The following PFKP variants were observed in gnomAD, a reference collection of about 807,000 sequenced individuals.
PFKP encodes the protein ATP-dependent 6-phosphofructokinase, platelet type.
PFKP carries 101 observed loss-of-function variants against 94.3 expected under a neutral mutation model. That is an observed-to-expected ratio of 1.07 (90% CI 0.91 to 1.26). The LOEUF is 1.26. Among genes scored for constraint, PFKP ranks in the 50% most tolerant of loss-of-function variants. The pLI, the probability that PFKP is intolerant of heterozygous loss-of-function variation, is 0.00. For missense variants in PFKP, 1,145 were observed against 1,103.3 expected (o/e 1.04, Z -0.53); for synonymous variants, 573 against 432.6 (o/e 1.32, Z -4.03).
intron 19 of PFKP, among the ~76,000 whole-genome samples, chr10:3,134,046 GCA>G (rs1838916549): frequency 1.3e-5 from 2 of 152,186 alleles, no homozygotes; most frequent in African/African-American, 4.8e-5. Flanking sequence ...CTCCTAACTT[GCA>G]CACACTCCTT....
At chr10:3,131,483 G>C (rs1838581367) in intron 17 of PFKP, among the ~76,000 whole-genome samples, 1 of 152,142 alleles carries the variant, frequency 6.6e-6, no homozygotes, top group African/African-American at 2.4e-5. Flanking sequence ...TTGAGATGGA[G>C]TCTCGCTCTG....
rs138800513 is a variant in PFKP at position 3,135,985 on chromosome 10, G to A, written c.2225+147G>A. 3.9e-4 allele frequency: 237 copies of A among 610,960 alleles called. 1 individual carries two copies. In the East Asian group the frequency reaches 6.6e-3, roughly 17 times the overall value. The allele number at this position is 610,960 out of a possible 1,614,324, so 37.8% of individuals were successfully genotyped here. A position where few individuals can be genotyped will look rare whatever the true frequency, so the allele number is the denominator to read the frequency against. ...TCAGTTAAAAAAATACTAGGTCTTGGCTGGGCGCGGTGGCTCATGCCTATA... is the reference window on the plus strand; with the variant it reads ...TCAGTTAAAAAAATACTAGGTCTTGACTGGGCGCGGTGGCTCATGCCTATA... On this transcript the variant is annotated intron_variant, in intron 21 of 21. Transcript: ENST00000381125.
chr10:3,135,332 T>G (rs536702020), intron 20 of PFKP, among the ~76,000 whole-genome samples: 1 of 152,386 alleles, frequency 6.6e-6, no homozygotes, highest in South Asian at 2.1e-4. Flanking sequence ...GGTTTGTCTT[T>G]TTGAAGAACT....
intron 16 of PFKP, among the ~76,000 whole-genome samples, chr10:3,120,670 T>C (rs1473586869): frequency 6.6e-6 from 1 of 152,198 alleles, no homozygotes; most frequent in African/African-American, 2.4e-5. Context: ...TCTTCTTTTT[T>C]TCTTTGTGGG....
rs777682425 is a variant in PFKP, at chr10:3,105,373, C to CT, written c.666-19dup. On this transcript the variant is annotated intron_variant, in intron 6 of 21. Coordinates refer to ENST00000381125, the MANE Select transcript of PFKP (RefSeq NM_002627.5). ...GAAGGATCCTTCTGGGGTGTTGATG[C>CT]TGTTGCCTTGTCCACATAGGTACCT... 47 of 1,591,250 alleles carry CT rather than the reference C, an allele frequency of 3.0e-5. No individual in the cohort carries two copies. Among genetic ancestry groups the CT allele is most frequent in the Non-Finnish European group, 3.8e-5 (44 of 1,159,588 alleles).
chr10:3,113,140 C>T lies in PFKP; in HGVS notation c.1176C>T (p.Asn392=), dbSNP rs1836426161. The change falls in exon 12 of 22, where the codon AAC becomes AAT. Residue 392 remains asparagine (N), a synonymous_variant. Transcript: ENST00000381125. ...TTAGGAGCTTTGCGGGCAACCTGAACACCTACAAGCGACTTGCCATCAAGC... is the reference window on the plus strand; with the variant it reads ...TTAGGAGCTTTGCGGGCAACCTGAATACCTACAAGCGACTTGCCATCAAGC... ...LRGRSFAGNL[N]TYKRLAIKLP... The T allele has an allele frequency of 4.3e-6, 7 of 1,613,250 alleles. No individual in the cohort carries two copies. The highest frequency in any genetic ancestry group is 5.9e-6 in the Non-Finnish European group (7 of 1,179,684).
chr10:3,112,143 G>C lies in PFKP; in HGVS notation c.1090-79G>C. 4 of 1,175,046 alleles carry C rather than the reference G, an allele frequency of 3.4e-6. No individual in the cohort carries two copies. In the Middle Eastern group the frequency reaches 5.8e-4, roughly 170 times the overall value. 72.8% of individuals were successfully genotyped at this position (1,175,046 alleles called of 1,614,324 possible). On this transcript the variant is annotated intron_variant, in intron 10 of 21. Transcript: ENST00000381125. ...CTGGAGGGGGCTGGTGGGAAGGACC[G>C]AGCCAGTCTCTACCTACCCCATCCA...
chr10:3,114,828 G>C (rs532857754), intron 13 of PFKP, among the ~76,000 whole-genome samples: 1 of 152,350 alleles, frequency 6.6e-6, no homozygotes, highest in South Asian at 2.1e-4. Context: ...GCCTGAGGAG[G>C]TTGGCTTTTA....
At chr10:3,079,296 A>G (rs367599773) in intron 1 of PFKP, among the ~76,000 whole-genome samples, 8 of 151,376 alleles carry the variant, frequency 5.3e-5, no homozygotes, top group South Asian at 2.1e-4. Context: ...GTGCAGTGGC[A>G]TGATCTCAGC....
chr10:3,136,644 TTTTATCAGCACTTTATGCACGTATTA>T lies in PFKP; in HGVS notation c.*68_*93del. ...GTCTGTTTTTGTAACACTTAAGTTA[TTTTATCAGCACTTTATGCACGTATTA>T]TTGACATTAATACCTAATCGGCGAG... On this transcript the variant is annotated 3_prime_UTR_variant, in exon 22 of 22. Transcript: ENST00000381125. 6.4e-7 allele frequency: 1 copy of T among 1,554,784 alleles called. No individual in the cohort carries two copies. Among genetic ancestry groups the T allele is most frequent in the African/African-American group, 1.4e-5 (1 of 73,882 alleles).
At chr10:3,112,096 G>T in intron 10 of PFKP, 126 bp from the exon 11 acceptor site, 1 of 762,330 alleles carries the variant, frequency 1.3e-6, no homozygotes, top group Non-Finnish European at 2.3e-6. Flanking sequence ...TAACCCTGGG[G>T]CTGCTGGCTG....
Position 3,118,841 on chromosome 10 carries a change from A to G in PFKP, c.1502A>G (p.Asn501Ser). 1 of 1,613,640 alleles carries G rather than the reference A, an allele frequency of 6.2e-7. No homozygotes were observed. The highest frequency in any genetic ancestry group is 2.2e-5 in the East Asian group (1 of 44,866). The change falls in exon 15 of 22, where the codon AAC (asparagine) becomes AGC (serine). Residue 501 changes from asparagine to serine, a missense_variant. By Grantham distance (46) the Asn-to-Ser change is conservative (BLOSUM62 1). Transcript: ENST00000381125. ...IATQMRTHSI[N>S]ALLIIGGFEA... ...ACACAGATGCGCACGCACAGCATCA[A>G]CGCGCTGCTGATCATCGGTGGATTC...
At chr10:3,122,506 T>C (rs1037005916) in intron 16 of PFKP, among the ~76,000 whole-genome samples, 1 of 152,216 alleles carries the variant, frequency 6.6e-6, no homozygotes, top group African/African-American at 2.4e-5. Flanking sequence ...GATTTGGGTC[T>C]GAACTGGGCT....
At chr10:3,094,367 C>T (rs1834315155) in intron 2 of PFKP, among the ~76,000 whole-genome samples, 1 of 152,218 alleles carries the variant, frequency 6.6e-6, no homozygotes, top group African/African-American at 2.4e-5. Context: ...AAGTGCAGGA[C>T]CACATGATGG....
intron 1 of PFKP, among the ~76,000 whole-genome samples, chr10:3,077,508 C>G (rs575867562): frequency 6.6e-6 from 1 of 151,844 alleles, no homozygotes; most frequent in Non-Finnish European, 1.5e-5. Flanking sequence ...CCTCGTGATC[C>G]GCCCACCTTG....
At chr10:3,093,177 T>C (rs1293702423) in intron 2 of PFKP, among the ~76,000 whole-genome samples, 1 of 150,596 alleles carries the variant, frequency 6.6e-6, no homozygotes. Flanking sequence ...CCCTGACTTC[T>C]GGGACTGTGT....
chr10:3,072,874 C>T (rs1832306993), intron 1 of PFKP, among the ~76,000 whole-genome samples: 1 of 151,950 alleles, frequency 6.6e-6, no homozygotes, highest in Non-Finnish European at 1.5e-5. Flanking sequence ...TTCACAATGG[C>T]ATTTCGGCTA....
intron 16 of PFKP, among the ~76,000 whole-genome samples, chr10:3,122,219 G>A (rs1399289465): frequency 2.0e-5 from 3 of 152,168 alleles, no homozygotes; most frequent in Non-Finnish European, 4.4e-5. Context: ...AAGTGCATGT[G>A]TGTGTCCTTG....
chr10:3,133,258 G>C lies in PFKP; in HGVS notation c.1966G>C (p.Glu656Gln), dbSNP rs761988879. ...TTDFIYQLYS[E>Q]EGKGVFDCRK... is the part of the protein sequence containing the mutation. The stretch of plus-strand genomic sequence containing the variant: ...CGACTTCATTTACCAGCTGTATTCA[G>C]AAGAGGGCAAAGGCGTGTTTGACTG... Residue 656 changes from glutamate (E) to glutamine (Q), a missense_variant, in exon 19 of 22, where the codon GAA becomes CAA. Transcript: ENST00000381125. 2.5e-6 allele frequency: 4 copies of C among 1,614,202 alleles called. No individual in the cohort carries two copies. The highest frequency in any genetic ancestry group is 1.7e-5 in the Admixed American group (1 of 60,032).
Sources: allele counts gnomAD v4.1 joint callset (sites outside exome capture counted in the v4.1 genomes callset), GRCh38; gene constraint gnomAD v4.1.1; transcripts MANE v1.5; gene names NCBI Gene and HGNC (gene_info 2026-07-23, HGNC 2026-07-21).